The following GMEB1 variants were observed in gnomAD, a reference collection of about 807,000 sequenced individuals.
GMEB1 encodes the protein glucocorticoid modulatory element binding protein 1, also known as glucocorticoid modulatory element-binding protein 1.
Under a neutral mutation model 52.4 loss-of-function variants are expected in GMEB1, and 6 were observed. The ratio of observed to expected loss-of-function variants is 0.11; its 90% confidence interval spans 0.06 to 0.23. GMEB1 has a LOEUF of 0.23. Among genes scored for constraint, GMEB1 ranks in the 10% least tolerant of loss-of-function variants. The pLI is 1.00. For missense variants in GMEB1, 486 were observed against 685.6 expected (o/e 0.71, Z 3.25); for synonymous variants, 255 against 244.9 (o/e 1.04, Z -0.38).
chr1:28,688,270 C>T (rs542979278), intron 2 of GMEB1, among the ~76,000 whole-genome samples: 1 of 152,160 alleles, frequency 6.6e-6, no homozygotes, highest in Non-Finnish European at 1.5e-5. Context: ...GCAATAAGAG[C>T]GAAACTCCGT....
chr1:28,678,184 C>T lies in GMEB1; in HGVS notation c.-30-5399C>T, dbSNP rs1346232080. On this transcript the variant is annotated intron_variant, in intron 1 of 9. Transcript: ENST00000373816. ...AGCCTGGGGTATAAGAGTGAGACTT[C>T]GTCTCAAAAAAAAAAAAAAGAAAGG... Among the ~76,000 whole-genome samples, 5 of 147,364 alleles carry T rather than the reference C, an allele frequency of 3.4e-5. No homozygotes were observed. In the East Asian group the frequency reaches 5.9e-4, roughly 18 times the overall value.
chr1:28,675,172 C>T (rs1465769563), intron 1 of GMEB1, among the ~76,000 whole-genome samples: 2 of 151,400 alleles, frequency 1.3e-5, no homozygotes, highest in Non-Finnish European at 2.9e-5. Flanking sequence ...CGTGCGCTAC[C>T]ACGCTGAGCT....
chr1:28,682,277 C>G (rs1669425912), intron 1 of GMEB1, among the ~76,000 whole-genome samples: 1 of 151,928 alleles, frequency 6.6e-6, no homozygotes, highest in Admixed American at 6.6e-5. Flanking sequence ...ACTAACTCTG[C>G]AAGGGAGATA....
rs1331016250 is a variant in GMEB1, at chr1:28,719,170, T to A, written c.*4397T>A. The stretch of plus-strand genomic sequence containing the variant: ...AGGGTAAATGCCCCCAAAGCCTTCC[T>A]GCCATATGGTTTCCACGAAGGCCTG... On this transcript the variant is annotated 3_prime_UTR_variant, in exon 10 of 10. Coordinates refer to ENST00000373816, the MANE Select transcript of GMEB1 (RefSeq NM_001319674.2). 1.3e-5 allele frequency: 2 copies of A among 152,268 alleles called. No homozygotes were observed. Among genetic ancestry groups the A allele is most frequent in the African/African-American group, 2.4e-5 (1 of 41,446 alleles). The allele number at this position is 152,268 out of a possible 1,614,324, so 9.4% of individuals were successfully genotyped here.
At chr1:28,702,408 C>T (rs761969753) in intron 6 of GMEB1, 30 bp from the exon 7 acceptor site, 13 of 1,597,696 alleles carry the variant, frequency 8.1e-6, no homozygotes, top group Non-Finnish European at 1.7e-6. Flanking sequence ...GTTAAATTCA[C>T]TGTTCTCACC....
At chr1:28,677,914 T>G (rs1669227967) in intron 1 of GMEB1, among the ~76,000 whole-genome samples, 1 of 152,054 alleles carries the variant, frequency 6.6e-6, no homozygotes, top group African/African-American at 2.4e-5. Flanking sequence ...CCGGGCATGG[T>G]GGCTCACGCT....
chr1:28,685,698 C>T (rs1384744594), intron 2 of GMEB1, among the ~76,000 whole-genome samples: 1 of 152,140 alleles, frequency 6.6e-6, no homozygotes, highest in Non-Finnish European at 1.5e-5. Context: ...TAGTGGCTCA[C>T]ACCTGTAATC....
chr1:28,715,827 C>T lies in GMEB1; in HGVS notation c.*1054C>T, dbSNP rs368259352. 2.6e-5 allele frequency: 4 copies of T among 151,982 alleles called. No individual in the cohort carries two copies. The highest frequency in any genetic ancestry group is 4.4e-5 in the Non-Finnish European group (3 of 68,234). The allele number at this position is 151,982 out of a possible 1,614,324, so 9.4% of individuals were successfully genotyped here. On this transcript the variant is annotated 3_prime_UTR_variant, in exon 10 of 10. Transcript: ENST00000373816. ...AAAGCCAAGGCCGGGTGCGGTGGCTCATGCCTGTAATCCCAGCACTTTGGG... is the reference window on the plus strand; with the variant it reads ...AAAGCCAAGGCCGGGTGCGGTGGCTTATGCCTGTAATCCCAGCACTTTGGG...
Position 28,714,887 on chromosome 1 carries a change from CAA to C in GMEB1, c.*117_*118del. 1.4e-6 allele frequency: 1 copy of C among 699,190 alleles called. No individual in the cohort carries two copies. Among genetic ancestry groups the C allele is most frequent in the South Asian group, 2.1e-5 (1 of 47,918 alleles). 43.3% of individuals were successfully genotyped at this position (699,190 alleles called of 1,614,324 possible). A position where few individuals can be genotyped will look rare whatever the true frequency, so the allele number is the denominator to read the frequency against. ...GGACCCTTTTTTAAAAAAAAAAAAA[CAA>C]AATCTTATTGTTGTAACTGAAAATG... is the stretch of plus-strand genomic sequence containing the variant. On this transcript the variant is annotated 3_prime_UTR_variant, in exon 10 of 10. Coordinates refer to ENST00000373816, the MANE Select transcript of GMEB1 (RefSeq NM_001319674.2).
In GMEB1 at chr1:28,716,615, A is replaced by C. The variant is rs1671279890; in HGVS notation, c.*1842A>C. 1 of 152,004 alleles carries C rather than the reference A, an allele frequency of 6.6e-6. No individual in the cohort carries two copies. The highest frequency in any genetic ancestry group is 2.4e-5 in the African/African-American group (1 of 41,382). 9.4% of individuals were successfully genotyped at this position (152,004 alleles called of 1,614,324 possible). ...CTTTAGGCTTGGCAGAGAGGACTCA[A>C]CACCCCCAGGCTTTCCTGAGGCACC... On this transcript the variant is annotated 3_prime_UTR_variant, in exon 10 of 10. Coordinates refer to ENST00000373816, the MANE Select transcript of GMEB1 (RefSeq NM_001319674.2).
intron 1 of GMEB1, among the ~76,000 whole-genome samples, chr1:28,674,369 A>T (rs1192972220): frequency 1.3e-5 from 2 of 152,010 alleles, no homozygotes; most frequent in Non-Finnish European, 2.9e-5. Flanking sequence ...ACAAAAACCC[A>T]AAAAACTACG....
chr1:28,690,885 G>A (rs1482067856), intron 3 of GMEB1, among the ~76,000 whole-genome samples: 1 of 152,052 alleles, frequency 6.6e-6, no homozygotes, highest in Non-Finnish European at 1.5e-5. Context: ...GGAGACTGAG[G>A]CAGGAGATCC....
intron 2 of GMEB1, 74 bp downstream of exon 2, chr1:28,683,814 G>A (rs547758665): frequency 1.5e-4 from 210 of 1,412,882 alleles, no homozygotes; most frequent in Non-Finnish European, 2.0e-4. Flanking sequence ...TAACTTTATG[G>A]TTGCTTAGCA....
chr1:28,698,674 C>CA (rs138996886), intron 6 of GMEB1, among the ~76,000 whole-genome samples: 56,317 of 120,594 alleles, frequency 0.47, 13,175 homozygotes, highest in East Asian at 0.77. Context: ...GACTCCATCT[C>CA]AAAAAAAAAA....
chr1:28,686,016 C>T (rs982377874), intron 2 of GMEB1, among the ~76,000 whole-genome samples: 2 of 152,132 alleles, frequency 1.3e-5, no homozygotes, highest in Non-Finnish European at 1.5e-5. Flanking sequence ...CTACCTCCTA[C>T]TTGCCACCGT....
chr1:28,706,990 T>G (rs7552902), intron 8 of GMEB1, among the ~76,000 whole-genome samples: 5,954 of 130,564 alleles, frequency 0.046, 186 homozygotes, highest in Non-Finnish European at 0.073. Flanking sequence ...TTTTTTTTTT[T>G]TTTTTTTTTT....
intron 6 of GMEB1, among the ~76,000 whole-genome samples, chr1:28,700,839 A>G (rs1670468793): frequency 6.6e-6 from 1 of 152,196 alleles, no homozygotes; most frequent in African/African-American, 2.4e-5. Context: ...CTTTCACTTG[A>G]AAAGTGAAAA....
At position 28,683,611 on chromosome 1, in the gene GMEB1, A is replaced by C. The variant is rs1322503243; in HGVS notation, c.-2A>C. 5.6e-6 allele frequency: 9 copies of C among 1,595,854 alleles called. No individual in the cohort carries two copies. The highest frequency in any genetic ancestry group is 7.7e-6 in the Non-Finnish European group (9 of 1,173,166). On this transcript the variant is annotated 5_prime_UTR_variant, in exon 2 of 10. Coordinates refer to ENST00000373816, the MANE Select transcript of GMEB1 (RefSeq NM_001319674.2). ...TCCCAGCTATCTGACTTCATGTGAA[A>C]GATGGCTAATGCAGAAGTGAGTGTC...
At chr1:28,705,595 G>A (rs978210090) in intron 8 of GMEB1, among the ~76,000 whole-genome samples, 12 of 151,366 alleles carry the variant, frequency 7.9e-5, no homozygotes, top group East Asian at 4.0e-4. Flanking sequence ...GATTACAGGC[G>A]CATGCCACCA....
Sources: gnomAD v4.1 joint callset for allele counts (sites outside exome capture counted in the v4.1 genomes callset) on GRCh38, gnomAD v4.1.1 for gene constraint, MANE v1.5 for transcripts, NCBI Gene and HGNC (gene_info 2026-07-23, HGNC 2026-07-21) for gene names.